GABRA2: variants seen among roughly 807,000 people sequenced by gnomAD.
The protein encoded by GABRA2 is gamma-aminobutyric acid type A receptor subunit alpha2.
In GABRA2, 16 loss-of-function variants were observed where a neutral mutation model predicts 48.7. The observed-to-expected ratio is 0.33, with a 90% CI of 0.22 to 0.50. The LOEUF is 0.50. GABRA2 is among the 20% of genes least tolerant of loss of function. The pLI is 0.98. For synonymous variants in GABRA2, 185 were observed against 184.5 expected (o/e 1.00, Z -0.02); for missense variants, 275 against 535.6 (o/e 0.51, Z 4.80).
intron 3 of GABRA2, among the ~76,000 whole-genome samples, chr4:46,381,641 G>A (rs1053698103): frequency 1.3e-5 from 2 of 152,016 alleles, no homozygotes; most frequent in African/African-American, 4.8e-5. Context: ...ATGTACTTGA[G>A]CCATATACTA....
At chr4:46,295,174 TC>T (rs1439278924) in intron 8 of GABRA2, among the ~76,000 whole-genome samples, 1 of 152,158 alleles carries the variant, frequency 6.6e-6, no homozygotes, top group South Asian at 2.1e-4. Flanking sequence ...TTCTAGGACA[TC>T]CCTGAAGGAC....
intron 9 of GABRA2, among the ~76,000 whole-genome samples, chr4:46,252,344 C>A (rs1714941158): frequency 6.6e-6 from 1 of 151,446 alleles, no homozygotes; most frequent in Non-Finnish European, 1.5e-5. Context: ...AGGATAATGT[C>A]TAAGTGAAAA....
In GABRA2 at chr4:46,256,433, A is replaced by G. The variant is rs1346025999; in HGVS notation, c.1059+5493T>C. 3.0e-5 allele frequency: 14 copies of G among 464,556 alleles called. No individual in the cohort carries two copies. In the Admixed American group the frequency reaches 3.2e-4, roughly 11 times the overall value. 28.8% of individuals were successfully genotyped at this position (464,556 alleles called of 1,614,324 possible). ...CGTTTATTGGGAAAAATTTGACATC[A>G]CTTTCTACAGTACCCAGCTTCCCCT... On this transcript the variant is annotated intron_variant, in intron 9 of 9. Transcript: ENST00000381620.
chr4:46,371,626 A>G (rs188833992), intron 3 of GABRA2, among the ~76,000 whole-genome samples: 12 of 152,246 alleles, frequency 7.9e-5, no homozygotes, highest in African/African-American at 1.2e-4. Context: ...TGATATAACT[A>G]AAGTGCAGTC....
chr4:46,334,979 T>C (rs1478067655), intron 3 of GABRA2, among the ~76,000 whole-genome samples: 6 of 152,160 alleles, frequency 3.9e-5, no homozygotes, highest in East Asian at 1.9e-4. Flanking sequence ...GATTTCAATA[T>C]GGATGGATGC....
At chr4:46,299,793 C>G (rs1483803745) in intron 8 of GABRA2, among the ~76,000 whole-genome samples, 1 of 150,982 alleles carries the variant, frequency 6.6e-6, no homozygotes, top group African/African-American at 2.4e-5. Flanking sequence ...TTTCTTGATC[C>G]CTCCCCCTTA....
intron 3 of GABRA2, among the ~76,000 whole-genome samples, chr4:46,340,105 G>T (rs1474526692): frequency 6.6e-6 from 1 of 151,666 alleles, no homozygotes; most frequent in African/African-American, 2.4e-5. Context: ...ACAATCCAAA[G>T]ACTTCTTACC....
intron 8 of GABRA2, among the ~76,000 whole-genome samples, chr4:46,294,482 C>T (rs1724260088): frequency 6.6e-6 from 1 of 152,166 alleles, no homozygotes; most frequent in Admixed American, 6.5e-5. Context: ...GTGTGTCACT[C>T]CATCCCATTT....
intron 8 of GABRA2, among the ~76,000 whole-genome samples, chr4:46,276,720 T>A (rs548855010): frequency 1.3e-5 from 2 of 152,164 alleles, no homozygotes; most frequent in East Asian, 3.9e-4. Context: ...TGCTGTTTGA[T>A]AATAGAGTAG....
chr4:46,321,618 G>A (rs1729461935), intron 4 of GABRA2, among the ~76,000 whole-genome samples: 1 of 151,966 alleles, frequency 6.6e-6, no homozygotes, highest in Admixed American at 6.6e-5. Context: ...CTTTGAGCAG[G>A]TTGGCTAACC....
chr4:46,340,118 C>G (rs149803759), intron 3 of GABRA2, among the ~76,000 whole-genome samples: 2 of 151,852 alleles, frequency 1.3e-5, no homozygotes, highest in Non-Finnish European at 2.9e-5. Context: ...TTCTTACCTC[C>G]TCTGTTGTTA....
intron 9 of GABRA2, among the ~76,000 whole-genome samples, chr4:46,257,369 G>A (rs1716049116): frequency 2.0e-5 from 3 of 151,596 alleles, no homozygotes; most frequent in African/African-American, 4.8e-5. Context: ...GAGCTGTGAA[G>A]AGGCATGGAT....
chr4:46,273,847 T>C (rs1054185514), intron 8 of GABRA2, among the ~76,000 whole-genome samples: 3 of 151,874 alleles, frequency 2.0e-5, no homozygotes, highest in African/African-American at 4.8e-5. Flanking sequence ...AAACGGAAAG[T>C]GGAAGAGGGA....
intron 3 of GABRA2, among the ~76,000 whole-genome samples, chr4:46,345,980 G>A (rs1734078231): frequency 2.0e-5 from 3 of 151,852 alleles, no homozygotes; most frequent in Admixed American, 2.0e-4. Flanking sequence ...TGAAGATCAC[G>A]ATGCTAATAA....
chr4:46,351,662 C>T (rs1578141785), intron 3 of GABRA2, among the ~76,000 whole-genome samples: 1 of 151,768 alleles, frequency 6.6e-6, no homozygotes, highest in Non-Finnish European at 1.5e-5. Flanking sequence ...AAATAATCTT[C>T]CAAGAAAAAT....
At chr4:46,310,334 T>G in intron 5 of GABRA2, 79 bp from the exon 6 acceptor site, 2 of 952,666 alleles carry the variant, frequency 2.1e-6, no homozygotes, top group East Asian at 2.4e-5. Context: ...CTCAACAGAC[T>G]CGATAGAGGT....
intron 8 of GABRA2, among the ~76,000 whole-genome samples, chr4:46,285,022 C>T (rs1401853333): frequency 2.1e-5 from 2 of 96,952 alleles, no homozygotes; most frequent in African/African-American, 4.0e-5. Flanking sequence ...ATGCTGCTCA[C>T]CCTCAAAAAA....
At chr4:46,389,474 G>A in intron 1 of GABRA2, 2 of 880,878 alleles carry the variant, frequency 2.3e-6, no homozygotes, top group Non-Finnish European at 2.7e-6. Flanking sequence ...ATCACAGTGA[G>A]CAAAGTTGAA....
At chr4:46,313,170 A>C (rs1033102211) in intron 4 of GABRA2, among the ~76,000 whole-genome samples, 1 of 150,028 alleles carries the variant, frequency 6.7e-6, no homozygotes, top group Admixed American at 6.6e-5. Context: ...ATTTTTAAAA[A>C]TTAAAAAGAA....
Sources: allele counts gnomAD v4.1 joint callset (sites outside exome capture counted in the v4.1 genomes callset), GRCh38; gene constraint gnomAD v4.1.1; transcripts MANE v1.5; gene names NCBI Gene and HGNC (gene_info 2026-07-23, HGNC 2026-07-21).